Variants in SCRIB observed in about 807,000 individuals in gnomAD.
The protein encoded by SCRIB is protein scribble homolog.
Under a neutral mutation model 170.0 loss-of-function variants are expected in SCRIB, and 72 were observed. The ratio of observed to expected loss-of-function variants is 0.42; its 90% CI spans 0.35 to 0.52. The LOEUF is 0.52. Ranked by LOEUF, SCRIB falls within the 20% of genes least tolerant of loss-of-function variation. The pLI is 0.02. For missense variants in SCRIB, 2,475 were observed against 2,338.5 expected (o/e 1.06, Z -1.20); for synonymous variants, 1,298 against 1,044.3 (o/e 1.24, Z -4.68).
chr8:143,800,601 C>T (rs1815134162), intron 24 of SCRIB, among the ~76,000 whole-genome samples: 3 of 152,268 alleles, frequency 2.0e-5, no homozygotes, highest in African/African-American at 7.2e-5. Context: ...CAAGGCTGGG[C>T]GCAGGGCTCA....
At chr8:143,799,216 CATATCT>C (rs1362587388) in intron 24 of SCRIB, among the ~76,000 whole-genome samples, 3 of 152,212 alleles carry the variant, frequency 2.0e-5, no homozygotes, top group African/African-American at 7.2e-5. Flanking sequence ...TCTTTACAGA[CATATCT>C]ACAGAAAAGT....
intron 31 of SCRIB, 28 bp from the exon 32 acceptor site, chr8:143,792,433 G>T: frequency 1.3e-6 from 2 of 1,507,470 alleles, no homozygotes; most frequent in Non-Finnish European, 1.8e-6. Context: ...CGTGCTGTGG[G>T]GGGCAGGGGC....
At chr8:143,805,058 A>G in intron 19 of SCRIB, 44 bp from the exon 20 acceptor site, 3 of 1,582,816 alleles carry the variant, frequency 1.9e-6, no homozygotes, top group Non-Finnish European at 2.6e-6. Context: ...GTGAGGCTGG[A>G]GTGCGGCTGT....
rs1554632586 is a variant in SCRIB, at chr8:143,791,375, C to G, written c.4822+14G>C. On this transcript the variant is annotated intron_variant, in intron 36 of 36. Coordinates refer to ENST00000356994, the MANE Select transcript of SCRIB (RefSeq NM_182706.5). ...GGGCTCCTGGGAGCTCACCCCAGCC[C>G]GGCCCCAACTCACCAGGGCTGGGAG... 1 of 1,607,140 alleles carries G rather than the reference C, an allele frequency of 6.2e-7. No individual in the cohort carries two copies.
At chr8:143,805,512 T>G in intron 18 of SCRIB, 77 bp from the exon 19 acceptor site, 3 of 1,353,416 alleles carry the variant, frequency 2.2e-6, no homozygotes, top group Admixed American at 2.8e-5. Flanking sequence ...CTCCACACGC[T>G]CCCTCCAGGA....
chr8:143,804,434 G>T, intron 21 of SCRIB, 134 bp downstream of exon 21: 1 of 936,742 alleles, frequency 1.1e-6, no homozygotes, highest in Non-Finnish European at 1.5e-6. Context: ...GCCTCAAGGA[G>T]CTGCAGGGGA....
rs541690927 is a variant in SCRIB, at chr8:143,791,703, G to A, written c.4733C>T (p.Ala1578Val). The part of the protein sequence containing the change: ...SGKKFDYRAF[A>V]ALPSSRPVYD... Reference sequence around the variant, plus strand: ...GACAGGTCTGGAAGAAGGCAGGGCCGCAAAGGCCCTGTAGTCAAACTTCTT... The same window carrying A: ...GACAGGTCTGGAAGAAGGCAGGGCCACAAAGGCCCTGTAGTCAAACTTCTT... The change falls in exon 35 of 37, where the codon GCG becomes GTG. Residue 1578 changes from alanine to valine, a missense_variant. Around this residue, in one of 3 missense-constraint regions of SCRIB, gnomAD observed 1,966 missense variants for 1,742.9 expected, o/e 1.13. Coordinates refer to ENST00000356994, the MANE Select transcript of SCRIB (RefSeq NM_182706.5). 20 of 1,603,930 alleles carry A rather than the reference G, an allele frequency of 1.2e-5. No homozygotes were observed. The highest frequency in any genetic ancestry group is 1.7e-4 in the Middle Eastern group (1 of 6,036).
rs563424612 is a variant in SCRIB at position 143,813,490 on chromosome 8, G to A, written c.483C>T (p.Asn161=). ...ANLVTLELRE[N]LLKSLPASLS... Reference sequence around the variant, plus strand: ...CTCACGCTGGCAGGGACTTGAGCAGGTTCTCCCGGAGCTCCAGGGTCACCA... The same window carrying A: ...CTCACGCTGGCAGGGACTTGAGCAGATTCTCCCGGAGCTCCAGGGTCACCA... Residue 161 remains asparagine, a synonymous_variant, in exon 5 of 37, where the codon AAC becomes AAT. Transcript: ENST00000356994. The A allele has an allele frequency of 1.9e-4, 300 of 1,613,230 alleles. 4 individuals are homozygous for A. The South Asian group carries it at 3.0e-3, about 16-fold the overall frequency.
In SCRIB at chr8:143,801,182, G is replaced by A. The variant is rs141144308; in HGVS notation, c.3603+2201C>T. ...ATTTCCCCCAAATCACTGGGGAAGCGACAGACTGTTCAGTCAGTACTGTGG... is the reference window on the plus strand; with the variant it reads ...ATTTCCCCCAAATCACTGGGGAAGCAACAGACTGTTCAGTCAGTACTGTGG... On this transcript the variant is annotated intron_variant, in intron 24 of 36. Transcript: ENST00000356994. Among the ~76,000 whole-genome samples the A allele has an allele frequency of 2.9e-3, 436 of 152,330 alleles. 1 individual carries two copies. Among genetic ancestry groups the A allele is most frequent in the African/African-American group, 8.8e-3 (368 of 41,582 alleles).
chr8:143,803,314 G>A (rs1374141202), intron 24 of SCRIB, 69 bp downstream of exon 24: 5 of 1,411,134 alleles, frequency 3.5e-6, no homozygotes, highest in African/African-American at 2.9e-5. Context: ...GCCCCGAGAG[G>A]TGTCAGCGGC....
rs1554635376 is a variant in SCRIB, at chr8:143,803,399, G to A, written c.3587C>T (p.Thr1196Ile). Residue 1196 changes from threonine (T) to isoleucine (I), a missense_variant, in exon 24 of 37, where the codon ACC becomes ATC. Thr to Ile is a moderately conservative substitution (Grantham distance 89). Around this residue, in one of 3 missense-constraint regions of SCRIB, gnomAD observed 1,966 missense variants for 1,742.9 expected, o/e 1.13. Transcript: ENST00000356994. ...VLVCDGFEAS[T>I]DAALEVSPGV... ...ATCGCTAACCTCCAGGGCTGCGTCGGTGCTGGCCTCAAAGCCGTCACAGAC... is the reference window on the plus strand; with the variant it reads ...ATCGCTAACCTCCAGGGCTGCGTCGATGCTGGCCTCAAAGCCGTCACAGAC... 1.9e-6 allele frequency: 3 copies of A among 1,584,396 alleles called. No homozygotes were observed. In the South Asian group the frequency reaches 3.4e-5, roughly 18 times the overall value.
intron 20 of SCRIB, 36 bp downstream of exon 20, chr8:143,804,898 G>A: frequency 5.3e-6 from 8 of 1,507,200 alleles, no homozygotes; most frequent in Non-Finnish European, 7.1e-6. Context: ...GGGCAGGGGG[G>A]ATGGGTGGGT....
chr8:143,805,377 C>G lies in SCRIB; in HGVS notation c.2405G>C (p.Gly802Ala). 1.3e-6 allele frequency: 2 copies of G among 1,547,248 alleles called. No homozygotes were observed. Among genetic ancestry groups the G allele is most frequent in the Non-Finnish European group, 1.7e-6 (2 of 1,152,468 alleles). The change falls in exon 19 of 37, where the codon GGG becomes GCG. Residue 802 changes from glycine (G) to alanine (A), a missense_variant. This residue lies in a region of SCRIB where 1,966 missense variants were observed against 1,742.9 expected (regional missense o/e 1.13). Coordinates refer to ENST00000356994, the MANE Select transcript of SCRIB (RefSeq NM_182706.5). ...TCGCATCTGCACGGCAGTGCCGGCCCCCCGGAGCGCCTCCACGGCCTCGTG... is the reference window on the plus strand; with the variant it reads ...TCGCATCTGCACGGCAGTGCCGGCCGCCCGGAGCGCCTCCACGGCCTCGTG... ...EHHEAVEALR[G>A]AGTAVQMRVW...
At chr8:143,804,513 G>A (rs1815321039) in intron 21 of SCRIB, 55 bp downstream of exon 21, 5 of 1,469,090 alleles carry the variant, frequency 3.4e-6, no homozygotes, top group Non-Finnish European at 4.5e-6. Context: ...TCCTGGGAAG[G>A]CCAGTGCCCA....
intron 24 of SCRIB, among the ~76,000 whole-genome samples, chr8:143,801,540 AT>A (rs1426015597): frequency 1.3e-5 from 2 of 152,192 alleles, no homozygotes; most frequent in African/African-American, 2.4e-5. Context: ...AAAAGATCCC[AT>A]TTTTTTAAAG....
In SCRIB at chr8:143,795,756, T is replaced by C. The variant is rs140370612; in HGVS notation, c.3604-226A>G. Among the ~76,000 whole-genome samples the C allele has an allele frequency of 7.0e-3, 1,066 of 152,318 alleles. 14 individuals carry two copies. Among genetic ancestry groups the C allele is most frequent in the African/African-American group, 0.025 (1,033 of 41,566 alleles). ...CGGTCCCCATCACAGCTCACAGGGC[T>C]GCCGTGGACGTGGTCACGTCTGCAC... On this transcript the variant is annotated intron_variant, in intron 24 of 36. Coordinates refer to ENST00000356994, the MANE Select transcript of SCRIB (RefSeq NM_182706.5).
chr8:143,814,972 G>C (rs1815997941), intron 1 of SCRIB: 1 of 504,020 alleles, frequency 2.0e-6, no homozygotes, highest in Non-Finnish European at 3.5e-6. Context: ...TTCACTCTGA[G>C]GCTCCGCCTC....
intron 36 of SCRIB, 37 bp downstream of exon 36, chr8:143,791,352 G>C: frequency 6.3e-7 from 1 of 1,598,288 alleles, no homozygotes; most frequent in Non-Finnish European, 8.5e-7. Flanking sequence ...GGGCAGCTGG[G>C]CTCCTGGGAG....
intron 24 of SCRIB, among the ~76,000 whole-genome samples, chr8:143,798,996 C>T (rs1207641277): frequency 3.3e-5 from 5 of 152,304 alleles, no homozygotes; most frequent in East Asian, 3.9e-4. Context: ...ATCAAGGGAA[C>T]GCTGTGTTGA....
Sources: allele counts gnomAD v4.1 joint callset (sites outside exome capture counted in the v4.1 genomes callset), GRCh38; gene constraint gnomAD v4.1.1; regional missense constraint gnomAD v4.1.1; transcripts MANE v1.5; gene names NCBI Gene and HGNC (gene_info 2026-07-23, HGNC 2026-07-21).